LTBP1: variants seen among roughly 807,000 people sequenced by gnomAD.
The protein encoded by LTBP1 is latent transforming growth factor beta binding protein 1.
In LTBP1, 129 loss-of-function variants were observed where a neutral mutation model predicts 207.6. That is an observed-to-expected ratio of 0.62 (90% CI 0.54 to 0.72). LTBP1 has a LOEUF of 0.72. LTBP1 is among the 30% of genes least tolerant of loss of function. The probability of loss-of-function intolerance (pLI) is 0.00; values close to 1 mark genes in which losing one functional copy is unlikely to be tolerated. For synonymous variants in LTBP1, 963 were observed against 833.7 expected (o/e 1.16, Z -2.67); for missense variants, 2,281 against 2,217.2 (o/e 1.03, Z -0.58).
chr2:33,284,784 C>T (rs1007458057), intron 19 of LTBP1, among the ~76,000 whole-genome samples: 4 of 152,168 alleles, frequency 2.6e-5, no homozygotes, highest in African/African-American at 9.7e-5. Context: ...AGAGTTTGGG[C>T]TACATGACCT....
At chr2:33,293,324 A>G in intron 20 of LTBP1, 42 bp downstream of exon 20, 1 of 1,566,212 alleles carries the variant, frequency 6.4e-7, no homozygotes, top group Non-Finnish European at 8.6e-7. Context: ...TTTAAACTTC[A>G]TTTAAATATA....
chr2:33,354,164 T>G (rs1031981351), intron 26 of LTBP1, among the ~76,000 whole-genome samples: 3 of 151,866 alleles, frequency 2.0e-5, no homozygotes, highest in African/African-American at 7.3e-5. Flanking sequence ...CGCTCGGCCG[T>G]GCATGTACAC....
At chr2:33,014,408 G>C (rs1334730259) in intron 2 of LTBP1, among the ~76,000 whole-genome samples, 1 of 152,162 alleles carries the variant, frequency 6.6e-6, no homozygotes, top group Non-Finnish European at 1.5e-5. Flanking sequence ...CTTGTGATCT[G>C]ATATCACTTA....
At chr2:33,287,613 T>C (rs1573631429) in intron 19 of LTBP1, among the ~76,000 whole-genome samples, 1 of 152,100 alleles carries the variant, frequency 6.6e-6, no homozygotes, top group South Asian at 2.1e-4. Flanking sequence ...AAAGGTGAGG[T>C]AGGAAGCCAA....
At chr2:32,977,697 C>G (rs1399991899) in intron 2 of LTBP1, among the ~76,000 whole-genome samples, 1 of 152,126 alleles carries the variant, frequency 6.6e-6, no homozygotes, top group Non-Finnish European at 1.5e-5. Context: ...AGTGTGAATC[C>G]CCTGAGGGGC....
At chr2:33,120,504 G>T (rs1224961605) in intron 4 of LTBP1, among the ~76,000 whole-genome samples, 1 of 152,174 alleles carries the variant, frequency 6.6e-6, no homozygotes. Flanking sequence ...ATATGTTTCT[G>T]CAGAAGACAT....
intron 7 of LTBP1, among the ~76,000 whole-genome samples, chr2:33,194,679 A>G (rs901636375): frequency 1.3e-5 from 2 of 152,222 alleles, no homozygotes; most frequent in African/African-American, 4.8e-5. Context: ...GCATACCATA[A>G]AAGTACAAGG....
At chr2:33,003,105 G>A (rs1398045517) in intron 2 of LTBP1, among the ~76,000 whole-genome samples, 2 of 152,208 alleles carry the variant, frequency 1.3e-5, no homozygotes, top group Non-Finnish European at 2.9e-5. Context: ...CTGACGTTGA[G>A]GTGGGTTCTG....
chr2:33,161,067 G>T (rs966925766), intron 5 of LTBP1, among the ~76,000 whole-genome samples: 1 of 152,080 alleles, frequency 6.6e-6, no homozygotes, highest in Non-Finnish European at 1.5e-5. Flanking sequence ...TTTATTAATA[G>T]TGTGCTTTGA....
intron 31 of LTBP1, 134 bp from the exon 32 acceptor site, chr2:33,389,050 C>T: frequency 8.1e-7 from 1 of 1,230,424 alleles, no homozygotes. Flanking sequence ...ACTTTCCAGG[C>T]TCAGTGGTAC....
At chr2:33,077,659 A>G (rs940838758) in intron 3 of LTBP1, among the ~76,000 whole-genome samples, 1 of 152,132 alleles carries the variant, frequency 6.6e-6, no homozygotes, top group Admixed American at 6.6e-5. Context: ...AACCGGCCCC[A>G]CCTCCAATAT....
At chr2:33,104,112 C>T (rs1182135441) in intron 3 of LTBP1, among the ~76,000 whole-genome samples, 2 of 152,126 alleles carry the variant, frequency 1.3e-5, no homozygotes, top group African/African-American at 2.4e-5. Context: ...ACCCTCTCTG[C>T]AGGTCAAATA....
chr2:33,161,705 A>G (rs2084483592), intron 5 of LTBP1, among the ~76,000 whole-genome samples: 2 of 152,386 alleles, frequency 1.3e-5, no homozygotes, highest in South Asian at 4.1e-4. Flanking sequence ...TGTTAGCTGC[A>G]AAAGATTAAT....
intron 7 of LTBP1, among the ~76,000 whole-genome samples, chr2:33,213,120 G>A (rs2090437031): frequency 6.6e-6 from 1 of 152,094 alleles, no homozygotes; most frequent in Admixed American, 6.6e-5. Context: ...TCATGCATGG[G>A]CTGAATCCTG....
At chr2:33,151,168 T>G (rs1167724598) in intron 5 of LTBP1, among the ~76,000 whole-genome samples, 2 of 152,242 alleles carry the variant, frequency 1.3e-5, no homozygotes, top group East Asian at 1.9e-4. Context: ...ATATTTAGGT[T>G]GTTTCTACCT....
chr2:33,020,350 CCAAGT>C (rs1404397988), intron 2 of LTBP1, among the ~76,000 whole-genome samples: 8 of 151,824 alleles, frequency 5.3e-5, no homozygotes, highest in Non-Finnish European at 1.0e-4. Context: ...TTGTTTTTTG[CCAAGT>C]CTTGGCAAAA....
intron 4 of LTBP1, among the ~76,000 whole-genome samples, chr2:33,129,789 C>G (rs1033383901): frequency 6.6e-6 from 1 of 152,108 alleles, no homozygotes; most frequent in Admixed American, 6.5e-5. Context: ...ACTGTTGTAG[C>G]AATTGTTTCT....
chr2:33,234,949 A>G (rs1011579102), intron 9 of LTBP1, among the ~76,000 whole-genome samples: 2 of 152,206 alleles, frequency 1.3e-5, no homozygotes, highest in Admixed American at 6.5e-5. Context: ...TAAAAACCCT[A>G]GAAGAAAACA....
At chr2:33,287,779 A>G (rs1229464382) in intron 19 of LTBP1, among the ~76,000 whole-genome samples, 1 of 152,228 alleles carries the variant, frequency 6.6e-6, no homozygotes, top group African/African-American at 2.4e-5. Flanking sequence ...CTCTGCTGCT[A>G]CTACCACATA....
Sources: allele counts gnomAD v4.1 joint callset (sites outside exome capture counted in the v4.1 genomes callset), GRCh38; gene constraint gnomAD v4.1.1; transcripts MANE v1.5; gene names NCBI Gene and HGNC (gene_info 2026-07-23, HGNC 2026-07-21).